Variants in AKAP6 observed in about 807,000 individuals in gnomAD.
AKAP6 encodes the protein A-kinase anchoring protein 6.
In AKAP6, 58 loss-of-function variants were observed where a neutral mutation model predicts 188.5. The ratio of observed to expected loss-of-function variants is 0.31; its 90% CI spans 0.25 to 0.38. The LOEUF is 0.38. Among genes scored for constraint, AKAP6 ranks in the 10% least tolerant of loss-of-function variants. The pLI is 1.00. For synonymous variants in AKAP6, 989 were observed against 998.6 expected (o/e 0.99, Z 0.18); for missense variants, 2,710 against 2,740.0 (o/e 0.99, Z 0.24).
chr14:32,483,190 T>G (rs1879455559), intron 2 of AKAP6, among the ~76,000 whole-genome samples: 1 of 152,154 alleles, frequency 6.6e-6, no homozygotes, highest in Non-Finnish European at 1.5e-5. Flanking sequence ...TAATTTTTAA[T>G]TCTGTTATTG....
chr14:32,725,250 A>G (rs949117211), intron 9 of AKAP6, among the ~76,000 whole-genome samples: 1 of 152,164 alleles, frequency 6.6e-6, no homozygotes, highest in African/African-American at 2.4e-5. Flanking sequence ...TGCAGAGAGC[A>G]TTCATTTTAC....
At chr14:32,689,748 A>G (rs1890091277) in intron 8 of AKAP6, among the ~76,000 whole-genome samples, 1 of 152,128 alleles carries the variant, frequency 6.6e-6, no homozygotes, top group African/African-American at 2.4e-5. Flanking sequence ...CATGGAGTAG[A>G]GGATGATGGG....
At chr14:32,493,350 T>A (rs1594674530) in intron 2 of AKAP6, among the ~76,000 whole-genome samples, 1 of 151,878 alleles carries the variant, frequency 6.6e-6, no homozygotes, top group Non-Finnish European at 1.5e-5. Flanking sequence ...GGGAACAGGC[T>A]TGTACCACTA....
chr14:32,565,171 T>G (rs1031000651), intron 4 of AKAP6, among the ~76,000 whole-genome samples: 8 of 152,158 alleles, frequency 5.3e-5, no homozygotes, highest in Admixed American at 5.2e-4. Context: ...TCTTACTAGA[T>G]CTTGCTGTAG....
rs376048115 is a variant in AKAP6, at chr14:32,673,211, C to T, written c.2731-5100C>T. ...CTCCAATGCCACTTCTGTCAAGCCT[C>T]TGCTCCATACCCCCAACCCCCACCT... On this transcript the variant is annotated intron_variant, in intron 7 of 13. Coordinates refer to ENST00000280979, the MANE Select transcript of AKAP6 (RefSeq NM_004274.5). Among the ~76,000 whole-genome samples the T allele has an allele frequency of 1.5e-3, 234 of 152,328 alleles. 2 individuals are homozygous for T. The highest frequency in any genetic ancestry group is 6.4e-3 in the South Asian group (31 of 4,828).
intron 2 of AKAP6, among the ~76,000 whole-genome samples, chr14:32,499,341 A>AAG (rs1880488979): frequency 6.6e-6 from 1 of 151,390 alleles, no homozygotes; most frequent in Admixed American, 6.6e-5. Flanking sequence ...AAAAAAAAAA[A>AAG]AAAAAAGAGA....
intron 1 of AKAP6, among the ~76,000 whole-genome samples, chr14:32,334,472 A>G (rs1439029022): frequency 6.6e-6 from 1 of 152,186 alleles, no homozygotes; most frequent in South Asian, 2.1e-4. Flanking sequence ...TATTTTACTT[A>G]ATAATGACTC....
At chr14:32,557,608 G>A (rs544596798) in intron 4 of AKAP6, among the ~76,000 whole-genome samples, 12 of 152,044 alleles carry the variant, frequency 7.9e-5, no homozygotes, top group Non-Finnish European at 1.2e-4. Context: ...TTGATGGAGT[G>A]GTAGTGTGCT....
chr14:32,646,754 GC>G (rs1888002022), intron 7 of AKAP6, among the ~76,000 whole-genome samples: 1 of 152,014 alleles, frequency 6.6e-6, no homozygotes, highest in Non-Finnish European at 1.5e-5. Flanking sequence ...TCTAATGTGT[GC>G]CCTCTAGTTC....
At chr14:32,563,961 G>A (rs1395395500) in intron 4 of AKAP6, among the ~76,000 whole-genome samples, 2 of 152,158 alleles carry the variant, frequency 1.3e-5, no homozygotes, top group Non-Finnish European at 2.9e-5. Flanking sequence ...TATACATACA[G>A]TCGTTCCTCA....
intron 12 of AKAP6, among the ~76,000 whole-genome samples, chr14:32,816,605 A>G (rs2034384893): frequency 6.6e-6 from 1 of 152,188 alleles, no homozygotes; most frequent in African/African-American, 2.4e-5. Flanking sequence ...CAGGGTGCCA[A>G]GAAAAGCAGA....
intron 9 of AKAP6, among the ~76,000 whole-genome samples, chr14:32,714,395 TGTA>T (rs1467871442): frequency 1.3e-5 from 2 of 152,006 alleles, no homozygotes; most frequent in Admixed American, 6.6e-5. Context: ...TTGTAAACAT[TGTA>T]GTATCTGTAA....
At chr14:32,475,895 G>A (rs1217387539) in intron 2 of AKAP6, among the ~76,000 whole-genome samples, 1 of 151,930 alleles carries the variant, frequency 6.6e-6, no homozygotes, top group Non-Finnish European at 1.5e-5. Context: ...ATGTTAGCCA[G>A]GATGGTCTCG....
At chr14:32,739,785 A>G (rs1055833109) in intron 11 of AKAP6, among the ~76,000 whole-genome samples, 1 of 152,112 alleles carries the variant, frequency 6.6e-6, no homozygotes, top group African/African-American at 2.4e-5. Context: ...GTGGATACTT[A>G]GGTTGGGCTT....
intron 2 of AKAP6, among the ~76,000 whole-genome samples, chr14:32,473,076 G>A (rs1489748055): frequency 6.6e-6 from 1 of 152,186 alleles, no homozygotes; most frequent in Non-Finnish European, 1.5e-5. Context: ...CCTGTGGAAT[G>A]TTGGAGCTAT....
intron 7 of AKAP6, among the ~76,000 whole-genome samples, chr14:32,650,509 G>T (rs901378981): frequency 6.6e-6 from 1 of 152,156 alleles, no homozygotes. Flanking sequence ...TACTTGGGAG[G>T]CTGAGGCAGG....
At chr14:32,540,655 G>A (rs910614552) in intron 3 of AKAP6, among the ~76,000 whole-genome samples, 2 of 152,140 alleles carry the variant, frequency 1.3e-5, no homozygotes, top group Admixed American at 6.5e-5. Flanking sequence ...ATATCTTCCT[G>A]AGACTTTATT....
At chr14:32,445,067 C>T (rs992984272) in intron 2 of AKAP6, among the ~76,000 whole-genome samples, 5 of 152,210 alleles carry the variant, frequency 3.3e-5, no homozygotes, top group Non-Finnish European at 5.9e-5. Flanking sequence ...CTGTTAGCTT[C>T]TATCTGTCCT....
chr14:32,597,891 A>G (rs1673191446), intron 5 of AKAP6, among the ~76,000 whole-genome samples: 1 of 152,140 alleles, frequency 6.6e-6, no homozygotes, highest in African/African-American at 2.4e-5. Flanking sequence ...TTGTTTCAGT[A>G]TTCTGAACTT....
Sources: allele counts gnomAD v4.1 joint callset (sites outside exome capture counted in the v4.1 genomes callset), GRCh38; gene constraint gnomAD v4.1.1; transcripts MANE v1.5; gene names NCBI Gene and HGNC (gene_info 2026-07-23, HGNC 2026-07-21).